The following PRDM1 variants were observed in gnomAD, a reference collection of about 807,000 sequenced individuals.
PRDM1 encodes the protein PR domain zinc finger protein 1.
In PRDM1, 13 loss-of-function variants were observed where a neutral mutation model predicts 62.8. The observed-to-expected ratio is 0.21, with a 90% CI of 0.13 to 0.33. The LOEUF is 0.33. Ranked by LOEUF, PRDM1 falls within the 10% of genes least tolerant of loss-of-function variation. The pLI is 1.00. For missense variants in PRDM1, 895 were observed against 1,058.8 expected (o/e 0.85, Z 2.15); for synonymous variants, 396 against 417.6 (o/e 0.95, Z 0.63).
At chr6:106,017,810 G>A (rs1472599521) in intron 1 of PRDM1, among the ~76,000 whole-genome samples, 2 of 152,186 alleles carry the variant, frequency 1.3e-5, no homozygotes, top group Non-Finnish European at 2.9e-5. Flanking sequence ...GGAAGCAGGG[G>A]CAGATTAAAG....
intron 1 of PRDM1, among the ~76,000 whole-genome samples, chr6:106,007,636 C>T (rs764367876): frequency 3.9e-5 from 6 of 152,106 alleles, no homozygotes; most frequent in Non-Finnish European, 5.9e-5. Context: ...GACTTTTAAA[C>T]AAAGCAGGTG....
At chr6:106,048,266 A>G (rs549649404), upstream of PRDM1, among the ~76,000 whole-genome samples, 2 of 151,724 alleles carry the variant, frequency 1.3e-5, no homozygotes, top group East Asian at 3.9e-4. Flanking sequence ...GCATACTCAT[A>G]GTCCTAGCTA....
chr6:105,999,042 A>G (rs999673860), intron 1 of PRDM1, among the ~76,000 whole-genome samples: 5 of 151,282 alleles, frequency 3.3e-5, no homozygotes, highest in Non-Finnish European at 7.4e-5. Flanking sequence ...GGCTCAAGCA[A>G]TCCTCCCACC....
At chr6:106,065,782 G>A (rs1214074492) in intron 1 of PRDM1, among the ~76,000 whole-genome samples, 1 of 152,182 alleles carries the variant, frequency 6.6e-6, no homozygotes, top group Non-Finnish European at 1.5e-5. Context: ...TGCTTCCATG[G>A]ATTGAACCCA....
rs180780414 is a variant in PRDM1 at position 106,090,772 on chromosome 6, G to A, written c.291+2323G>A. Among the ~76,000 whole-genome samples the A allele has an allele frequency of 2.8e-3, 425 of 151,480 alleles. 3 individuals are homozygous for A. Among genetic ancestry groups the A allele is most frequent in the African/African-American group, 9.5e-3 (392 of 41,284 alleles). ...ATCTTGCCCTTCTTTAAATGTTTTCGTTTAAATAGCAAAAGATGTTACAAT... is the reference window on the plus strand; with the variant it reads ...ATCTTGCCCTTCTTTAAATGTTTTCATTTAAATAGCAAAAGATGTTACAAT... On this transcript the variant is annotated intron_variant, in intron 2 of 6. Coordinates refer to ENST00000369096, the MANE Select transcript of PRDM1 (RefSeq NM_001198.4).
intron 1 of PRDM1, among the ~76,000 whole-genome samples, chr6:106,066,174 T>A: frequency 6.6e-6 from 1 of 152,122 alleles, no homozygotes. Context: ...GCGTGGTCAT[T>A]AATAGGCAAG....
intron 1 of PRDM1, among the ~76,000 whole-genome samples, chr6:106,008,814 G>C (rs1772510494): frequency 6.6e-6 from 1 of 152,194 alleles, no homozygotes; most frequent in Non-Finnish European, 1.5e-5. Flanking sequence ...GCCATTGCCT[G>C]TACTGCCTTT....
intron 1 of PRDM1, among the ~76,000 whole-genome samples, chr6:106,016,064 A>ATACAATATTT (rs1772615536): frequency 6.6e-6 from 1 of 152,342 alleles, no homozygotes; most frequent in South Asian, 2.1e-4. Flanking sequence ...ATGTAAAATC[A>ATACAATATTT]TACAATATTT....
intron 1 of PRDM1, among the ~76,000 whole-genome samples, chr6:106,076,014 C>T (rs573163403): frequency 7.3e-5 from 11 of 151,564 alleles, no homozygotes; most frequent in Non-Finnish European, 1.0e-4. Flanking sequence ...TGCAGTGGCA[C>T]GATCTCTGCT....
At chr6:106,028,668 G>A (rs114127681) in intron 1 of PRDM1, among the ~76,000 whole-genome samples, 2,014 of 152,198 alleles carry the variant, frequency 0.013, 50 homozygotes, top group African/African-American at 0.046. Flanking sequence ...TATTTAAAGT[G>A]TATAGTTTGA....
chr6:106,095,773 G>C, intron 3 of PRDM1, 39 bp downstream of exon 3: 1 of 1,604,426 alleles, frequency 6.2e-7, no homozygotes, highest in Non-Finnish European at 8.5e-7. Context: ...TTAAATGTTA[G>C]GAAAAAATGG....
At chr6:106,051,103 G>C (rs1483625764) in intron 1 of PRDM1, among the ~76,000 whole-genome samples, 1 of 152,130 alleles carries the variant, frequency 6.6e-6, no homozygotes, top group East Asian at 1.9e-4. Context: ...TATCCACAAT[G>C]TTATCCATCC....
At chr6:106,090,203 T>G (rs946964011) in intron 2 of PRDM1, among the ~76,000 whole-genome samples, 2 of 152,230 alleles carry the variant, frequency 1.3e-5, no homozygotes, top group African/African-American at 4.8e-5. Flanking sequence ...CACTGTGGTT[T>G]TAGTTATCAT....
In PRDM1 at chr6:106,104,962, C is replaced by T. The variant is rs1399614609; in HGVS notation, c.802C>T (p.Arg268Cys). Residue 268 changes from arginine to cysteine, a missense_variant, in exon 5 of 7, where the codon CGT becomes TGT. By Grantham distance (180) the Arg-to-Cys change is radical. Around this residue, in one of 4 missense-constraint regions of PRDM1, gnomAD observed 444 missense variants for 422.7 expected, o/e 1.05. Coordinates refer to ENST00000369096, the MANE Select transcript of PRDM1 (RefSeq NM_001198.4). Reference sequence around the variant, plus strand: ...CCCCTCCAAAGGAAAGGACCTCTACCGTTCTAACATTTCACCCCTCACATC... The same window carrying T: ...CCCCTCCAAAGGAAAGGACCTCTACTGTTCTAACATTTCACCCCTCACATC... Reference protein sequence around the residue: ...SNPSKGKDLYRSNISPLTSEK... With the variant: ...SNPSKGKDLYCSNISPLTSEK... 2.5e-6 allele frequency: 4 copies of T among 1,614,102 alleles called. No homozygotes were observed. Among genetic ancestry groups the T allele is most frequent in the Admixed American group, 1.7e-5 (1 of 60,012 alleles).
intron 1 of PRDM1, among the ~76,000 whole-genome samples, chr6:106,058,927 T>C (rs553733266): frequency 3.9e-4 from 60 of 152,220 alleles, no homozygotes; most frequent in Non-Finnish European, 7.3e-4. Flanking sequence ...CAAGAACTCA[T>C]GGTTCTTAAA....
rs111567940 is a variant in PRDM1, at chr6:106,094,121, C to T, written c.292-1494C>T. Among the ~76,000 whole-genome samples, 597 of 152,286 alleles carry T rather than the reference C, an allele frequency of 3.9e-3. 4 individuals are homozygous for T. The highest frequency in any genetic ancestry group is 0.014 in the African/African-American group (562 of 41,556). On this transcript the variant is annotated intron_variant, in intron 2 of 6. Coordinates refer to ENST00000369096, the MANE Select transcript of PRDM1 (RefSeq NM_001198.4). ...TATATTGTAACCAAAATTGTAGATTCCACTGTGAACAATCTGTGCATGGAT... is the reference window on the plus strand; with the variant it reads ...TATATTGTAACCAAAATTGTAGATTTCACTGTGAACAATCTGTGCATGGAT...
intron 1 of PRDM1, among the ~76,000 whole-genome samples, chr6:106,061,835 C>T (rs1773349639): frequency 6.6e-6 from 1 of 152,188 alleles, no homozygotes; most frequent in South Asian, 2.1e-4. Flanking sequence ...ATCATTTCTA[C>T]TTTAGTTAAT....
chr6:106,086,198 GCT>G (rs1471889537), upstream of PRDM1: 11 of 327,988 alleles, frequency 3.4e-5, no homozygotes, highest in East Asian at 5.1e-4. Context: ...AAGAGAGGAA[GCT>G]CTCGGCGGCT....
intron 3 of PRDM1, 58 bp downstream of exon 3, chr6:106,095,792 G>T (rs1774099674): frequency 1.3e-6 from 2 of 1,583,252 alleles, no homozygotes; most frequent in South Asian, 1.1e-5. Flanking sequence ...GGAGCTAAAA[G>T]AGCTGGGTGG....
Sources: allele counts gnomAD v4.1 joint callset (sites outside exome capture counted in the v4.1 genomes callset), GRCh38; gene constraint gnomAD v4.1.1; regional missense constraint gnomAD v4.1.1; transcripts MANE v1.5; gene names NCBI Gene and HGNC (gene_info 2026-07-23, HGNC 2026-07-21).